The following ZNF804B variants were observed in gnomAD, a reference collection of about 807,000 sequenced individuals.
The protein encoded by ZNF804B is zinc finger 804B.
A neutral mutation model predicts 101.4 loss-of-function variants in ZNF804B; 80 were observed. That is an observed-to-expected ratio of 0.79 (90% CI 0.66 to 0.95). The LOEUF is 0.95. ZNF804B is among the 40% of genes least tolerant of loss of function. The pLI is 0.00. For missense variants in ZNF804B, 1,673 were observed against 1,561.9 expected, an observed-to-expected ratio of 1.07 and a Z score of -1.20; for synonymous variants, 622 against 558.8, an observed-to-expected ratio of 1.11 and a Z score of -1.59.
intron 1 of ZNF804B, among the ~76,000 whole-genome samples, chr7:89,100,254 A>G (rs182378931): frequency 1.9e-4 from 29 of 152,306 alleles, no homozygotes; most frequent in Admixed American, 1.4e-3. Flanking sequence ...AAAACTGGAT[A>G]TCCATATGCA....
At chr7:89,176,143 G>A (rs1435388040) in intron 1 of ZNF804B, among the ~76,000 whole-genome samples, 1 of 151,906 alleles carries the variant, frequency 6.6e-6, no homozygotes, top group Non-Finnish European at 1.5e-5. Context: ...CTAGATCTTA[G>A]AGGAAAGGCT....
chr7:88,818,954 T>A (rs1482575734), intron 1 of ZNF804B, among the ~76,000 whole-genome samples: 1 of 152,142 alleles, frequency 6.6e-6, no homozygotes, highest in African/African-American at 2.4e-5. Context: ...ACCAGTGAGG[T>A]TGATATAATT....
At chr7:88,901,752 C>T (rs1792395044) in intron 1 of ZNF804B, among the ~76,000 whole-genome samples, 1 of 151,776 alleles carries the variant, frequency 6.6e-6, no homozygotes, top group African/African-American at 2.4e-5. Context: ...AAATTGGCCT[C>T]ACGATACATA....
chr7:89,204,813 T>C (rs911534123), intron 1 of ZNF804B, among the ~76,000 whole-genome samples: 1 of 152,208 alleles, frequency 6.6e-6, no homozygotes, highest in African/African-American at 2.4e-5. Flanking sequence ...TATAGTCTGC[T>C]AATTAGAAAA....
At chr7:89,064,529 T>G (rs1204168990) in intron 1 of ZNF804B, among the ~76,000 whole-genome samples, 2 of 152,174 alleles carry the variant, frequency 1.3e-5, no homozygotes, top group Non-Finnish European at 2.9e-5. Flanking sequence ...GCTCACATCT[T>G]GAGGTTTATT....
Position 89,313,378 on chromosome 7 carries a change from T to C in ZNF804B, c.250-13966T>C, listed in dbSNP as rs963625610. On this transcript the variant is annotated intron_variant, in intron 2 of 3. Transcript: ENST00000333190. ...TGCAGAGATGGAAGGAGTTATTCTA[T>C]TTAAAAGAAAAAATTAGACATACTT... Among the ~76,000 whole-genome samples the C allele has an allele frequency of 3.3e-5, 5 of 152,322 alleles. 1 individual carries two copies. The highest frequency in any genetic ancestry group is 6.5e-5 in the Admixed American group (1 of 15,286).
In ZNF804B at chr7:89,335,849, A is replaced by G. The variant is rs1791074172; in HGVS notation, c.2867A>G (p.Glu956Gly). The G allele has an allele frequency of 1.9e-6, 3 of 1,614,082 alleles. No homozygotes were observed. The highest frequency in any genetic ancestry group is 1.6e-4 in the Middle Eastern group (1 of 6,062). The part of the protein sequence containing the change: ...ISSNSCKSEL[E>G]APSQVPCTIQ... ...TCAAACAGTTGTAAAAGTGAATTAG[A>G]GGCTCCTTCGCAAGTCCCATGCACA... The change falls in exon 4 of 4, where the codon GAG (glutamate) becomes GGG (glycine). Residue 956 changes from glutamate to glycine, a missense_variant. Physicochemically the swap from Glu to Gly is moderately conservative, Grantham distance 98. Coordinates refer to ENST00000333190, the MANE Select transcript of ZNF804B (RefSeq NM_181646.5).
Position 89,054,350 on chromosome 7 carries a change from C to T in ZNF804B, c.109-163805C>T, listed in dbSNP as rs1004174528. 1.6e-4 allele frequency among the ~76,000 whole-genome samples: 24 copies of T among 148,540 alleles called. No homozygotes were observed. The South Asian group carries it at 1.9e-3, about 12-fold the overall frequency. On this transcript the variant is annotated intron_variant, in intron 1 of 3. Transcript: ENST00000333190. The stretch of plus-strand genomic sequence containing the variant: ...TATATTATTTGAAACCTTATATATT[C>T]TTACTATATATGAATAAAACACTTT...
chr7:88,765,329 G>T (rs1043907991), intron 1 of ZNF804B, among the ~76,000 whole-genome samples: 16 of 152,094 alleles, frequency 1.1e-4, no homozygotes, highest in Non-Finnish European at 2.9e-5. Context: ...GGCTAAATGT[G>T]CATGACATTT....
At chr7:89,274,137 T>A (rs1789939902) in intron 2 of ZNF804B, among the ~76,000 whole-genome samples, 1 of 145,492 alleles carries the variant, frequency 6.9e-6, no homozygotes, top group African/African-American at 2.5e-5. Context: ...TTTTTTTTTC[T>A]TTTTATTTTA....
chr7:89,089,569 C>G lies in ZNF804B; in HGVS notation c.109-128586C>G, dbSNP rs1048100909. 7.9e-5 allele frequency among the ~76,000 whole-genome samples: 12 copies of G among 151,392 alleles called. 1 individual carries two copies. The highest frequency in any genetic ancestry group is 2.9e-4 in the African/African-American group (12 of 41,226). On this transcript the variant is annotated intron_variant, in intron 1 of 3. Transcript: ENST00000333190. ...AGAGAAAAAAAATTTTTTTTTGCAC[C>G]CACACATACCAATACAAATGCACAC...
intron 1 of ZNF804B, among the ~76,000 whole-genome samples, chr7:89,177,670 G>A (rs1205190981): frequency 6.6e-6 from 1 of 152,138 alleles, no homozygotes; most frequent in African/African-American, 2.4e-5. Flanking sequence ...TTGATTATCT[G>A]TCTAGGTGAT....
intron 1 of ZNF804B, among the ~76,000 whole-genome samples, chr7:88,889,155 G>A (rs1189988673): frequency 1.3e-5 from 2 of 152,020 alleles, no homozygotes; most frequent in Non-Finnish European, 2.9e-5. Flanking sequence ...TTCTTCCATG[G>A]TGTATATATA....
chr7:88,809,219 T>C (rs1247285893), intron 1 of ZNF804B, among the ~76,000 whole-genome samples: 1 of 152,198 alleles, frequency 6.6e-6, no homozygotes, highest in Non-Finnish European at 1.5e-5. Context: ...AGATCTATAA[T>C]TTTAAATAGA....
At chr7:89,055,145 A>T (rs180760644) in intron 1 of ZNF804B, among the ~76,000 whole-genome samples, 14 of 152,226 alleles carry the variant, frequency 9.2e-5, no homozygotes, top group Middle Eastern at 3.4e-3. Flanking sequence ...ATTTTGAGGG[A>T]TGACTTGACC....
intron 2 of ZNF804B, among the ~76,000 whole-genome samples, chr7:89,327,021 T>C (rs377297444): frequency 1.3e-5 from 2 of 151,994 alleles, no homozygotes; most frequent in East Asian, 3.9e-4. Context: ...TCATACTCAT[T>C]CATATATTGC....
At chr7:88,983,096 G>A (rs1299309732) in intron 1 of ZNF804B, among the ~76,000 whole-genome samples, 1 of 151,966 alleles carries the variant, frequency 6.6e-6, no homozygotes, top group Non-Finnish European at 1.5e-5. Flanking sequence ...TCAACCTTAG[G>A]GATGCCATTG....
At chr7:88,833,176 T>TA (rs11293185) in intron 1 of ZNF804B, among the ~76,000 whole-genome samples, 2 of 149,936 alleles carry the variant, frequency 1.3e-5, no homozygotes, top group African/African-American at 4.9e-5. Flanking sequence ...ATCTTCCGCT[T>TA]AAAAAAAAGT....
At chr7:89,024,045 C>T (rs1788708560) in intron 1 of ZNF804B, among the ~76,000 whole-genome samples, 1 of 152,202 alleles carries the variant, frequency 6.6e-6, no homozygotes. Context: ...GACTATATTT[C>T]TTAATGCTTC....
Sources: allele counts gnomAD v4.1 joint callset (sites outside exome capture counted in the v4.1 genomes callset), GRCh38; gene constraint gnomAD v4.1.1; transcripts MANE v1.5; gene names NCBI Gene and HGNC (gene_info 2026-07-23, HGNC 2026-07-21).